The following ERC2 variants were observed in gnomAD, a reference collection of about 807,000 sequenced individuals.
ERC2 encodes ELKS/RAB6-interacting/CAST family member 2.
In ERC2, 42 loss-of-function variants were observed where a neutral mutation model predicts 114.8. The observed-to-expected ratio is 0.37, with a 90% CI of 0.29 to 0.47. The LOEUF is 0.47. Ranked by LOEUF, ERC2 falls within the 20% of genes least tolerant of loss-of-function variation. The probability of loss-of-function intolerance (pLI) is 0.99; values close to 1 mark genes in which losing one functional copy is unlikely to be tolerated. For missense variants in ERC2, 939 were observed against 1,150.7 expected, an observed-to-expected ratio of 0.82 and a Z score of 2.66; for synonymous variants, 454 against 425.5, an observed-to-expected ratio of 1.07 and a Z score of -0.82.
At chr3:56,099,519 T>C (rs1249992001) in intron 6 of ERC2, among the ~76,000 whole-genome samples, 6 of 152,146 alleles carry the variant, frequency 3.9e-5, no homozygotes, top group Non-Finnish European at 7.4e-5. Flanking sequence ...AGAACTCTCC[T>C]GAAATAATGT....
At chr3:56,296,582 C>A in intron 2 of ERC2, 147 bp from the exon 3 acceptor site, 1 of 784,236 alleles carries the variant, frequency 1.3e-6, no homozygotes, top group Non-Finnish European at 2.0e-6. Context: ...TCCACGGTGA[C>A]TTCAGAAGCA....
At chr3:55,682,587 G>A (rs916806462) in intron 17 of ERC2, among the ~76,000 whole-genome samples, 1 of 152,122 alleles carries the variant, frequency 6.6e-6, no homozygotes. Flanking sequence ...ACCAGCTCTT[G>A]GTTAAACTTC....
intron 1 of ERC2, 146 bp downstream of exon 1, chr3:56,468,102 G>A (rs2063637054): frequency 7.6e-6 from 1 of 130,898 alleles, no homozygotes; most frequent in Admixed American, 8.8e-5. Flanking sequence ...CCCCGTAGGA[G>A]GCGGATGGTT....
chr3:55,592,284 G>A (rs1270183492), intron 17 of ERC2, among the ~76,000 whole-genome samples: 2 of 152,192 alleles, frequency 1.3e-5, no homozygotes, highest in African/African-American at 4.8e-5. Flanking sequence ...TTTCTCATCT[G>A]TTGAAAAGTA....
chr3:56,206,363 C>T (rs1435243153), intron 3 of ERC2, among the ~76,000 whole-genome samples: 3 of 152,050 alleles, frequency 2.0e-5, no homozygotes, highest in African/African-American at 7.2e-5. Flanking sequence ...ATGAAGACAC[C>T]TTTCCAAATG....
intron 4 of ERC2, among the ~76,000 whole-genome samples, chr3:56,168,033 A>T (rs2082413638): frequency 6.6e-6 from 1 of 152,222 alleles, no homozygotes; most frequent in African/African-American, 2.4e-5. Context: ...GTTGAAAGAA[A>T]AAACGTTTGA....
intron 13 of ERC2, among the ~76,000 whole-genome samples, chr3:55,917,155 GAT>G (rs1258581989): frequency 6.6e-6 from 1 of 152,098 alleles, no homozygotes; most frequent in East Asian, 1.9e-4. Context: ...TTTCTTCCAT[GAT>G]GCCAATGGTT....
chr3:55,624,720 G>A (rs1202692161), intron 17 of ERC2, among the ~76,000 whole-genome samples: 3 of 152,174 alleles, frequency 2.0e-5, no homozygotes, highest in South Asian at 2.1e-4. Context: ...TCACCTGGAT[G>A]GAAAGCACTT....
rs185977603 is a variant in ERC2 at position 56,156,496 on chromosome 3, G to A, written c.1150-7364C>T. Among the ~76,000 whole-genome samples the A allele has an allele frequency of 3.9e-5, 6 of 152,218 alleles. No homozygotes were observed. The East Asian group carries it at 1.2e-3, about 29-fold the overall frequency. ...AACCAGGTCTGGGAAGTCACTGCAGGGCCAAGGATTAACTCTTTAGTAGCT... is the reference window on the plus strand; with the variant it reads ...AACCAGGTCTGGGAAGTCACTGCAGAGCCAAGGATTAACTCTTTAGTAGCT... On this transcript the variant is annotated intron_variant, in intron 4 of 17. Transcript: ENST00000288221.
intron 6 of ERC2, among the ~76,000 whole-genome samples, chr3:56,091,293 G>T (rs2077773659): frequency 6.6e-6 from 1 of 152,058 alleles, no homozygotes; most frequent in African/African-American, 2.4e-5. Flanking sequence ...TGTATGTGTA[G>T]GGATGAAAGG....
intron 13 of ERC2, among the ~76,000 whole-genome samples, chr3:55,944,770 G>GT (rs982813531): frequency 3.9e-5 from 6 of 152,092 alleles, no homozygotes; most frequent in Middle Eastern, 3.2e-3. Context: ...AGCAAAAGTC[G>GT]TTTTTTTGGC....
intron 12 of ERC2, 106 bp downstream of exon 12, chr3:55,985,871 G>A: frequency 3.0e-6 from 3 of 990,664 alleles, no homozygotes; most frequent in Non-Finnish European, 4.6e-6. Context: ...GGGAAATGCA[G>A]TGGCCCGAGG....
chr3:55,677,234 C>T (rs1476302293), intron 17 of ERC2, among the ~76,000 whole-genome samples: 7 of 152,178 alleles, frequency 4.6e-5, no homozygotes, highest in African/African-American at 1.7e-4. Flanking sequence ...CTAATTCATA[C>T]TCTCCAACAA....
In ERC2 at chr3:56,331,616, G is replaced by A. The variant is rs144553260; in HGVS notation, c.658-35181C>T. The stretch of plus-strand genomic sequence containing the variant: ...CCCTGAGGCTTGTATGCACTAGGAC[G>A]TTCAAACACATTTTAATTCAGTATT... On this transcript the variant is annotated intron_variant, in intron 2 of 17. Coordinates refer to ENST00000288221, the MANE Select transcript of ERC2 (RefSeq NM_015576.3). Among the ~76,000 whole-genome samples the A allele has an allele frequency of 2.0e-5, 3 of 152,074 alleles. No homozygotes were observed. The East Asian group carries it at 5.8e-4, about 29-fold the overall frequency.
At chr3:56,450,562 C>A (rs1406103167) in intron 1 of ERC2, among the ~76,000 whole-genome samples, 2 of 152,206 alleles carry the variant, frequency 1.3e-5, no homozygotes, top group African/African-American at 4.8e-5. Flanking sequence ...GTGGTAAGCT[C>A]ATGCCTATAA....
At chr3:56,429,569 C>T (rs908710151) in intron 2 of ERC2, among the ~76,000 whole-genome samples, 2 of 152,170 alleles carry the variant, frequency 1.3e-5, no homozygotes, top group Non-Finnish European at 2.9e-5. Flanking sequence ...GGTTTATACA[C>T]CAAGATAACA....
At chr3:55,630,219 G>T (rs2059692261) in intron 17 of ERC2, among the ~76,000 whole-genome samples, 1 of 152,186 alleles carries the variant, frequency 6.6e-6, no homozygotes, top group Non-Finnish European at 1.5e-5. Flanking sequence ...GCCCAGACTG[G>T]AGTGCGATGG....
At chr3:55,953,031 A>T (rs1050156038) in intron 12 of ERC2, among the ~76,000 whole-genome samples, 7 of 151,936 alleles carry the variant, frequency 4.6e-5, no homozygotes, top group African/African-American at 1.7e-4. Flanking sequence ...ATCTCTACTA[A>T]AAATACAAAC....
intron 2 of ERC2, among the ~76,000 whole-genome samples, chr3:56,381,720 A>G (rs1576680360): frequency 6.6e-6 from 1 of 151,780 alleles, no homozygotes; most frequent in Non-Finnish European, 1.5e-5. Flanking sequence ...GAGAAAGGAA[A>G]AGAAAAAAAA....
Sources: allele counts gnomAD v4.1 joint callset (sites outside exome capture counted in the v4.1 genomes callset), GRCh38; gene constraint gnomAD v4.1.1; transcripts MANE v1.5; gene names NCBI Gene and HGNC (gene_info 2026-07-23, HGNC 2026-07-21).